The following HHLA2 variants were observed in gnomAD, a reference collection of about 807,000 sequenced individuals.
The protein encoded by HHLA2 is HERV-H LTR-associating protein 2.
A neutral mutation model predicts 45.9 loss-of-function variants in HHLA2; 48 were observed. The ratio of observed to expected loss-of-function variants is 1.05; its 90% CI spans 0.83 to 1.33. HHLA2 has a LOEUF of 1.33. Ranked by LOEUF, HHLA2 falls within the 40% of genes most tolerant of loss-of-function variation. The pLI, the probability that HHLA2 is intolerant of heterozygous loss-of-function variation, is 0.00. For missense variants in HHLA2, 462 were observed against 494.3 expected (o/e 0.93, Z 0.62); for synonymous variants, 161 against 173.9 (o/e 0.93, Z 0.59).
At chr3:108,315,483 G>C (rs1312254508) in intron 2 of HHLA2, among the ~76,000 whole-genome samples, 4 of 152,140 alleles carry the variant, frequency 2.6e-5, no homozygotes, top group Non-Finnish European at 5.9e-5. Context: ...TGTATATTTT[G>C]TGCTAAATCC....
intron 7 of HHLA2, 119 bp downstream of exon 6, chr3:108,358,280 T>C (rs2081933158): frequency 3.0e-6 from 2 of 663,670 alleles, no homozygotes; most frequent in East Asian, 5.6e-5. Flanking sequence ...CAAAATATAA[T>C]CCACAGGGAT....
At chr3:108,359,765 A>T (rs1184238459) in intron 7 of HHLA2, among the ~76,000 whole-genome samples, 1 of 152,090 alleles carries the variant, frequency 6.6e-6, no homozygotes, top group African/African-American at 2.4e-5. Flanking sequence ...TTCCTACTTA[A>T]TCTCTCCTTT....
At chr3:108,314,042 A>G (rs921865130) in intron 2 of HHLA2, among the ~76,000 whole-genome samples, 1 of 152,198 alleles carries the variant, frequency 6.6e-6, no homozygotes, top group Non-Finnish European at 1.5e-5. Context: ...TCTGAGTTCC[A>G]TCATTCCTAG....
chr3:108,343,232 T>A (rs947463395), intron 3 of HHLA2, among the ~76,000 whole-genome samples: 10 of 152,176 alleles, frequency 6.6e-5, no homozygotes, highest in Admixed American at 5.2e-4. Flanking sequence ...AACTTACGTA[T>A]GGATTATGAG....
At chr3:108,297,223 G>A (rs2080775267) in intron 1 of HHLA2, among the ~76,000 whole-genome samples, 1 of 152,044 alleles carries the variant, frequency 6.6e-6, no homozygotes, top group Admixed American at 6.6e-5. Context: ...TTGGGACTTT[G>A]GATAATAGAA....
chr3:108,366,291 G>T (rs1356191021), intron 8 of HHLA2, among the ~76,000 whole-genome samples: 1 of 152,136 alleles, frequency 6.6e-6, no homozygotes, highest in African/African-American at 2.4e-5. Context: ...TTATTGATTT[G>T]CATATGTTGA....
At chr3:108,369,854 C>T (rs561793527) in intron 8 of HHLA2, among the ~76,000 whole-genome samples, 14 of 152,362 alleles carry the variant, frequency 9.2e-5, no homozygotes, top group Admixed American at 3.9e-4. Flanking sequence ...CTCAAGGAGG[C>T]CTGCCTGCCT....
At chr3:108,357,794 T>G in intron 6 of HHLA2, 50 bp from the exon 6 acceptor site, 1 of 1,439,516 alleles carries the variant, frequency 6.9e-7, no homozygotes, top group Non-Finnish European at 9.5e-7. Flanking sequence ...TAGAGAATTC[T>G]TTTGAAATGT....
At chr3:108,370,506 G>A (rs1009829498) in intron 8 of HHLA2, among the ~76,000 whole-genome samples, 2 of 152,098 alleles carry the variant, frequency 1.3e-5, no homozygotes, top group Non-Finnish European at 2.9e-5. Context: ...AGAGAAGAAG[G>A]CTTCAGACGA....
intron 9 of HHLA2, 59 bp downstream of exon 8, chr3:108,375,859 A>G: frequency 1.3e-6 from 2 of 1,585,824 alleles, no homozygotes; most frequent in Non-Finnish European, 1.7e-6. Flanking sequence ...CAGTCAAAAG[A>G]TATCGGCAAA....
At chr3:108,330,585 C>T (rs1243848813) in intron 3 of HHLA2, among the ~76,000 whole-genome samples, 1 of 151,980 alleles carries the variant, frequency 6.6e-6, no homozygotes, top group Non-Finnish European at 1.5e-5. Context: ...AAGCAGTGGC[C>T]CCTGATGGCC....
At chr3:108,365,859 C>T (rs1170891472) in intron 8 of HHLA2, among the ~76,000 whole-genome samples, 2 of 152,140 alleles carry the variant, frequency 1.3e-5, no homozygotes, top group Non-Finnish European at 2.9e-5. Context: ...ACTGAAGTTG[C>T]TTATCAGCTT....
intron 2 of HHLA2, among the ~76,000 whole-genome samples, chr3:108,316,491 C>T (rs2081104837): frequency 6.6e-6 from 1 of 152,284 alleles, no homozygotes; most frequent in East Asian, 1.9e-4. Flanking sequence ...CTTGACTCCC[C>T]AGTCTAAGAC....
intron 8 of HHLA2, among the ~76,000 whole-genome samples, chr3:108,367,563 C>A (rs1471398084): frequency 1.3e-5 from 2 of 151,724 alleles, no homozygotes; most frequent in Non-Finnish European, 2.9e-5. Context: ...GAAGCATACA[C>A]AAGTATCAGT....
chr3:108,341,463 C>A (rs2081570246), intron 3 of HHLA2, among the ~76,000 whole-genome samples: 1 of 152,078 alleles, frequency 6.6e-6, no homozygotes, highest in Non-Finnish European at 1.5e-5. Flanking sequence ...GTTTTAGCTT[C>A]AAGATTAAAA....
exon 5 of HHLA2, chr3:108,353,686 C>T: frequency 6.2e-7 from 1 of 1,613,656 alleles, no homozygotes; most frequent in South Asian, 1.1e-5. Context: ...CGCTATTTTT[C>T]AGAAGAGTAA....
chr3:108,315,638 C>T (rs1273918574), intron 2 of HHLA2, among the ~76,000 whole-genome samples: 1 of 152,190 alleles, frequency 6.6e-6, no homozygotes, highest in Admixed American at 6.5e-5. Context: ...AGAATAGAGT[C>T]GTGATGCTTG....
At chr3:108,370,312 CA>C (rs2082146947) in intron 8 of HHLA2, among the ~76,000 whole-genome samples, 1 of 152,050 alleles carries the variant, frequency 6.6e-6, no homozygotes, top group Non-Finnish European at 1.5e-5. Context: ...GCATCCACAC[CA>C]AAAACCCATC....
intron 3 of HHLA2, among the ~76,000 whole-genome samples, chr3:108,343,416 T>C (rs867479609): frequency 6.6e-6 from 1 of 152,328 alleles, no homozygotes. Flanking sequence ...TCTTTTCTTG[T>C]GTACCAGCTA....
Sources: gnomAD v4.1 joint callset for allele counts (sites outside exome capture counted in the v4.1 genomes callset) on GRCh38, gnomAD v4.1.1 for gene constraint, MANE v1.5 for transcripts, NCBI Gene and HGNC (gene_info 2026-07-23, HGNC 2026-07-21) for gene names.